MAN1A1: variants seen among roughly 807,000 people sequenced by gnomAD.
MAN1A1 encodes mannosyl-oligosaccharide 1,2-alpha-mannosidase IA.
A neutral mutation model predicts 70.8 loss-of-function variants in MAN1A1; 29 were observed. The observed-to-expected ratio is 0.41, with a 90% CI of 0.31 to 0.56. The LOEUF (loss-of-function observed/expected upper bound fraction) is 0.56, where lower values mean the gene tolerates loss of function less well. Among genes scored for constraint, MAN1A1 ranks in the 20% least tolerant of loss-of-function variants. MAN1A1 has a pLI of 0.29. For synonymous variants in MAN1A1, 349 were observed against 330.1 expected (o/e 1.06, Z -0.62); for missense variants, 747 against 841.3 (o/e 0.89, Z 1.39).
intron 5 of MAN1A1, among the ~76,000 whole-genome samples, chr6:119,271,007 T>C (rs1296691025): frequency 2.6e-5 from 4 of 152,196 alleles, no homozygotes; most frequent in African/African-American, 4.8e-5. Flanking sequence ...TTCTCTTCCA[T>C]AGAACACAAT....
chr6:119,342,737 T>G (rs1773629809), intron 2 of MAN1A1, among the ~76,000 whole-genome samples: 1 of 152,214 alleles, frequency 6.6e-6, no homozygotes, highest in South Asian at 2.1e-4. Flanking sequence ...TTTACATGTC[T>G]ACTTTTAAAA....
At chr6:119,205,888 TC>T (rs1773846169) in intron 6 of MAN1A1, among the ~76,000 whole-genome samples, 1 of 152,218 alleles carries the variant, frequency 6.6e-6, no homozygotes, top group Admixed American at 6.5e-5. Context: ...AATCACTTTT[TC>T]TCAAAGACCT....
rs148370458 is a variant in MAN1A1, at chr6:119,252,076, T to C, written c.898-3722A>G. Among the ~76,000 whole-genome samples the C allele has an allele frequency of 2.9e-3, 444 of 152,330 alleles. 2 individuals are homozygous for C. The highest frequency in any genetic ancestry group is 5.0e-3 in the Non-Finnish European group (338 of 68,036). Reference sequence around the variant, plus strand: ...ATGTCTTAATTATTTTATTTGCTTGTTTATTGTTTGATAACTCCACTAGAT... The same window carrying C: ...ATGTCTTAATTATTTTATTTGCTTGCTTATTGTTTGATAACTCCACTAGAT... On this transcript the variant is annotated intron_variant, in intron 5 of 12. Transcript: ENST00000368468.
intron 6 of MAN1A1, among the ~76,000 whole-genome samples, chr6:119,247,229 A>G (rs1775191061): frequency 6.6e-6 from 1 of 152,232 alleles, no homozygotes. Flanking sequence ...TCTAAACCAG[A>G]AAGCTGTTTC....
intron 2 of MAN1A1, among the ~76,000 whole-genome samples, chr6:119,346,318 T>C (rs1773728416): frequency 6.6e-6 from 1 of 152,236 alleles, no homozygotes; most frequent in Non-Finnish European, 1.5e-5. Flanking sequence ...AATTTCTTTT[T>C]TTTTTCTTTT....
intron 6 of MAN1A1, among the ~76,000 whole-genome samples, chr6:119,208,051 T>C (rs191283826): frequency 2.0e-5 from 3 of 152,292 alleles, no homozygotes; most frequent in Admixed American, 1.3e-4. Flanking sequence ...AACCATTAGT[T>C]CCATAAGACA....
At chr6:119,207,303 TATACTA>T (rs1773891719) in intron 6 of MAN1A1, among the ~76,000 whole-genome samples, 1 of 152,118 alleles carries the variant, frequency 6.6e-6, no homozygotes. Context: ...GAGGAAATGT[TATACTA>T]ATAGAAAGAA....
At chr6:119,271,041 C>T (rs1775909332) in intron 5 of MAN1A1, among the ~76,000 whole-genome samples, 1 of 152,146 alleles carries the variant, frequency 6.6e-6, no homozygotes, top group Admixed American at 6.5e-5. Flanking sequence ...AAAAAGATGC[C>T]CAACTTTTCT....
chr6:119,271,759 C>G (rs1775931313), intron 5 of MAN1A1, among the ~76,000 whole-genome samples: 1 of 152,150 alleles, frequency 6.6e-6, no homozygotes, highest in Admixed American at 6.5e-5. Flanking sequence ...CTGCCTCGGC[C>G]TCCCAAAATG....
chr6:119,202,715 T>C lies in MAN1A1; in HGVS notation c.1117-1368A>G, dbSNP rs114841649. 2.3e-3 allele frequency among the ~76,000 whole-genome samples: 353 copies of C among 152,334 alleles called. 1 individual carries two copies. Among genetic ancestry groups the C allele is most frequent in the African/African-American group, 8.1e-3 (336 of 41,582 alleles). Reference sequence around the variant, plus strand: ...CGTAGGAATTTTGTCAACTCCATTATAAACTTACAGGACCACTGTCACATA... The same window carrying C: ...CGTAGGAATTTTGTCAACTCCATTACAAACTTACAGGACCACTGTCACATA... On this transcript the variant is annotated intron_variant, in intron 7 of 12. Coordinates refer to ENST00000368468, the MANE Select transcript of MAN1A1 (RefSeq NM_005907.4).
At chr6:119,296,973 G>T (rs1258507877) in intron 4 of MAN1A1, among the ~76,000 whole-genome samples, 4 of 152,228 alleles carry the variant, frequency 2.6e-5, no homozygotes, top group Admixed American at 1.3e-4. Context: ...TTTACAGAGG[G>T]TTAATATAAG....
intron 5 of MAN1A1, among the ~76,000 whole-genome samples, chr6:119,254,380 A>C (rs1775406680): frequency 6.6e-6 from 1 of 152,192 alleles, no homozygotes; most frequent in Non-Finnish European, 1.5e-5. Context: ...AGGGAGAGTA[A>C]GGCTGATCAT....
intron 2 of MAN1A1, among the ~76,000 whole-genome samples, chr6:119,323,796 T>C (rs1773080809): frequency 6.6e-6 from 1 of 152,176 alleles, no homozygotes; most frequent in Non-Finnish European, 1.5e-5. Context: ...CTAAAATTGA[T>C]AGGAGAGGTG....
Position 119,276,078 on chromosome 6 carries a change from G to A in MAN1A1, c.897+14605C>T, listed in dbSNP as rs1252768306. Among the ~76,000 whole-genome samples, 3 of 152,282 alleles carry A rather than the reference G, an allele frequency of 2.0e-5. No homozygotes were observed. The East Asian group carries it at 5.8e-4, about 29-fold the overall frequency. Reference sequence around the variant, plus strand: ...CTCTTCTTCTTCATTCCAAAGGAAAGAAAGAAATGAACCATCAATACAGAA... The same window carrying A: ...CTCTTCTTCTTCATTCCAAAGGAAAAAAAGAAATGAACCATCAATACAGAA... On this transcript the variant is annotated intron_variant, in intron 5 of 12. Transcript: ENST00000368468.
intron 6 of MAN1A1, among the ~76,000 whole-genome samples, chr6:119,232,169 G>A (rs1285626410): frequency 6.6e-6 from 1 of 151,856 alleles, no homozygotes; most frequent in Admixed American, 6.6e-5. Context: ...TCAGGAGATC[G>A]AGACCATCCT....
At chr6:119,335,183 T>C (rs529723681) in intron 2 of MAN1A1, among the ~76,000 whole-genome samples, 149 of 152,302 alleles carry the variant, frequency 9.8e-4, no homozygotes, top group Non-Finnish European at 4.6e-4. Flanking sequence ...AGCCAAAACA[T>C]ACTTTTCTTT....
chr6:119,253,358 C>G (rs1328077776), intron 5 of MAN1A1, among the ~76,000 whole-genome samples: 1 of 152,210 alleles, frequency 6.6e-6, no homozygotes. Flanking sequence ...ATGCCTGTAG[C>G]TGGCATTAGT....
At chr6:119,269,358 C>T (rs573783751) in intron 5 of MAN1A1, 23 of 223,814 alleles carry the variant, frequency 1.0e-4, no homozygotes, top group South Asian at 1.0e-3. Flanking sequence ...AGACACACAA[C>T]CTTGGGAGCA....
At chr6:119,235,318 T>C (rs1361591232) in intron 6 of MAN1A1, among the ~76,000 whole-genome samples, 1 of 152,140 alleles carries the variant, frequency 6.6e-6, no homozygotes, top group Non-Finnish European at 1.5e-5. Context: ...TAAAGGAAAT[T>C]AAAAGCTCCA....
Sources: gnomAD v4.1 joint callset for allele counts (sites outside exome capture counted in the v4.1 genomes callset) on GRCh38, gnomAD v4.1.1 for gene constraint, MANE v1.5 for transcripts, NCBI Gene and HGNC (gene_info 2026-07-23, HGNC 2026-07-21) for gene names.